ABCC8: variants seen among roughly 807,000 people sequenced by gnomAD.
The protein encoded by ABCC8 is ATP-binding cassette sub-family C member 8.
In ABCC8, 137 loss-of-function variants were observed where a neutral mutation model predicts 188.0. That is an observed-to-expected ratio of 0.73 (90% CI 0.63 to 0.84). The LOEUF (loss-of-function observed/expected upper bound fraction) is 0.84, where lower values mean the gene tolerates loss of function less well. Among genes scored for constraint, ABCC8 ranks in the 40% least tolerant of loss-of-function variants. The probability of loss-of-function intolerance (pLI) is 0.00; values close to 1 mark genes in which losing one functional copy is unlikely to be tolerated. For synonymous variants in ABCC8, 797 were observed against 846.5 expected, an observed-to-expected ratio of 0.94 and a Z score of 1.01; for missense variants, 1,750 against 2,072.7, an observed-to-expected ratio of 0.84 and a Z score of 3.02.
chr11:17,423,008 A>G (rs1158793884), intron 16 of ABCC8, among the ~76,000 whole-genome samples: 1 of 151,914 alleles, frequency 6.6e-6, no homozygotes, highest in East Asian at 1.9e-4. Context: ...TTGACTGCAG[A>G]GTCAATTGTG....
chr11:17,450,708 A>ATTTTTT (rs1956783398), intron 7 of ABCC8, among the ~76,000 whole-genome samples: 1 of 21,922 alleles, frequency 4.6e-5, no homozygotes, highest in African/African-American at 2.3e-4. Context: ...TTTTTTTTTG[A>ATTTTTT]GATGAAGTCT....
chr11:17,419,389 G>T (rs553462861), intron 16 of ABCC8, among the ~76,000 whole-genome samples: 1 of 152,318 alleles, frequency 6.6e-6, no homozygotes, highest in South Asian at 2.1e-4. Flanking sequence ...CCTTCCAGGG[G>T]CTCACACTCT....
chr11:17,440,712 C>A (rs1268664622), intron 10 of ABCC8, among the ~76,000 whole-genome samples: 1 of 152,260 alleles, frequency 6.6e-6, no homozygotes. Flanking sequence ...ATGACTGGAC[C>A]ACATTCCCTG....
downstream of ABCC8, chr11:17,392,577 T>G: frequency 2.9e-6 from 1 of 344,912 alleles, no homozygotes. Flanking sequence ...AGAGTAAAGG[T>G]CATGTGAGCA....
chr11:17,461,411 C>G, intron 5 of ABCC8, 172 bp downstream of exon 5: 1 of 827,080 alleles, frequency 1.2e-6, no homozygotes, highest in Non-Finnish European at 2.0e-6. Flanking sequence ...AATCCTCAGC[C>G]CTGCACCTGT....
chr11:17,435,636 A>G (rs111342583), intron 10 of ABCC8: 4 of 1,398,268 alleles, frequency 2.9e-6, no homozygotes, highest in Non-Finnish European at 4.1e-6. Context: ...TGAATGTAAT[A>G]ATGTGTAGGA....
chr11:17,397,823 G>A (rs766944678), intron 30 of ABCC8, 26 bp from the exon 31 acceptor site: 14 of 1,612,236 alleles, frequency 8.7e-6, no homozygotes, highest in Non-Finnish European at 1.2e-5. Context: ...AGCTGACCTG[G>A]GCGCTCAGGG....
chr11:17,429,719 G>A (rs1372811904), intron 12 of ABCC8: 1 of 152,218 alleles, frequency 6.6e-6, no homozygotes, highest in Non-Finnish European at 1.5e-5. Context: ...TCATAGGGCT[G>A]GAGAGTGGGT....
chr11:17,449,256 G>A (rs2133620308), intron 7 of ABCC8, among the ~76,000 whole-genome samples: 1 of 152,248 alleles, frequency 6.6e-6, no homozygotes, highest in South Asian at 2.1e-4. Flanking sequence ...AGATCTTCAT[G>A]TCCACTTGTA....
chr11:17,453,124 T>C lies in ABCC8; in HGVS notation c.1171A>G (p.Ile391Val). ...IETGINLRGA[I>V]QTKIYNKIMH... ...AAAAATAATCATCCAAGTACCTGTA[T>C]TGCTCCTCTCAAGTTAATTCCAGTT... is the stretch of plus-strand genomic sequence containing the variant. Residue 391 changes from isoleucine to valine, a missense_variant, in exon 7 of 39, where the codon ATA (isoleucine) becomes GTA (valine). Coordinates refer to ENST00000389817, the MANE Select transcript of ABCC8 (RefSeq NM_000352.6). 1 of 1,613,010 alleles carries C rather than the reference T, an allele frequency of 6.2e-7. No homozygotes were observed. The highest frequency in any genetic ancestry group is 8.5e-7 in the Non-Finnish European group (1 of 1,178,928).
At chr11:17,415,232 G>A (rs1420443087) in intron 18 of ABCC8, 72 bp downstream of exon 18, 1 of 1,561,004 alleles carries the variant, frequency 6.4e-7, no homozygotes, top group Non-Finnish European at 8.7e-7. Context: ...GCAGGGTGAT[G>A]TGGCTCCCTT....
intron 16 of ABCC8, chr11:17,417,175 G>A (rs1386684039): frequency 2.9e-6 from 2 of 680,330 alleles, no homozygotes; most frequent in East Asian, 2.7e-4. Context: ...AATAGCATGT[G>A]CTAAATCAGC....
Position 17,443,952 on chromosome 11 carries a change from T to C in ABCC8, c.1333-640A>G, listed in dbSNP as rs186623856. On this transcript the variant is annotated intron_variant, in intron 8 of 38. Coordinates refer to ENST00000389817, the MANE Select transcript of ABCC8 (RefSeq NM_000352.6). ...AAGATGACAGTTTCTCAGGTTGCCT[T>C]CAAAGGCAGACACCTCTAAATACAG... Among the ~76,000 whole-genome samples the C allele has an allele frequency of 3.3e-5, 5 of 152,294 alleles. No individual in the cohort carries two copies. In the East Asian group the frequency reaches 9.6e-4, roughly 29 times the overall value.
At chr11:17,424,800 A>C (rs1955509638) in intron 16 of ABCC8, among the ~76,000 whole-genome samples, 1 of 152,200 alleles carries the variant, frequency 6.6e-6, no homozygotes, top group South Asian at 2.1e-4. Flanking sequence ...ACCAGGTTTG[A>C]GGGAAAGAAC....
intron 17 of ABCC8, among the ~76,000 whole-genome samples, chr11:17,415,727 A>C (rs540042652): frequency 2.0e-5 from 3 of 152,374 alleles, no homozygotes; most frequent in African/African-American, 7.2e-5. Context: ...ATACAGCTGC[A>C]CAAACAGCTG....
chr11:17,394,522 T>C, intron 36 of ABCC8, 123 bp from the exon 37 acceptor site: 1 of 1,526,196 alleles, frequency 6.6e-7, no homozygotes. Flanking sequence ...TGGGTGTGTG[T>C]CCAAGAGCAC....
In ABCC8 at chr11:17,432,103, C is replaced by T. The variant is rs546675261; in HGVS notation, c.1671+101G>A. 7.6e-5 allele frequency: 109 copies of T among 1,443,142 alleles called. No homozygotes were observed. In the African/African-American group the frequency reaches 1.3e-3, roughly 17 times the overall value. The allele number at this position is 1,443,142 out of a possible 1,614,324, so 89.4% of individuals were successfully genotyped here. A position where few individuals can be genotyped will look rare whatever the true frequency, so the allele number is the denominator to read the frequency against. On this transcript the variant is annotated intron_variant, in intron 11 of 38. Transcript: ENST00000389817. ...TCAGTCTGGCTGTGGAGCCTGTCTTCTGAGGCCCCTGTGCAGAAAGGCCAA... is the reference window on the plus strand; with the variant it reads ...TCAGTCTGGCTGTGGAGCCTGTCTTTTGAGGCCCCTGTGCAGAAAGGCCAA...
intron 2 of ABCC8, 30 bp from the exon 3 acceptor site, chr11:17,470,252 G>A (rs754831234): frequency 1.2e-5 from 19 of 1,613,664 alleles, no homozygotes; most frequent in Non-Finnish European, 1.4e-5. Flanking sequence ...CAGACAGGAT[G>A]GGGACATGCT....
At chr11:17,448,747 A>G in intron 7 of ABCC8, 76 bp from the exon 8 acceptor site, 1 of 1,611,944 alleles carries the variant, frequency 6.2e-7, no homozygotes, top group Non-Finnish European at 8.5e-7. Flanking sequence ...CACCTGTTAC[A>G]GTGTGCCAGG....
Sources: gnomAD v4.1 joint callset for allele counts (sites outside exome capture counted in the v4.1 genomes callset) on GRCh38, gnomAD v4.1.1 for gene constraint, MANE v1.5 for transcripts, NCBI Gene and HGNC (gene_info 2026-07-23, HGNC 2026-07-21) for gene names.